Variants in SPON1 observed in about 807,000 individuals in gnomAD.
SPON1 encodes spondin-1.
A neutral mutation model predicts 111.7 loss-of-function variants in SPON1; 52 were observed. The observed-to-expected ratio is 0.47, with a 90% CI of 0.37 to 0.59. SPON1 has a LOEUF of 0.59. Among genes scored for constraint, SPON1 ranks in the 20% least tolerant of loss-of-function variants. The pLI, the probability that SPON1 is intolerant of heterozygous loss-of-function variation, is 0.00. For synonymous variants in SPON1, 410 were observed against 395.8 expected, an observed-to-expected ratio of 1.04 and a Z score of -0.43; for missense variants, 957 against 1,068.5, an observed-to-expected ratio of 0.90 and a Z score of 1.46.
chr11:14,061,991 A>G (rs1848794715), intron 3 of SPON1, among the ~76,000 whole-genome samples: 1 of 152,194 alleles, frequency 6.6e-6, no homozygotes, highest in African/African-American at 2.4e-5. Context: ...GCACAAATAC[A>G]TGGGATGTGG....
At chr11:13,997,131 A>C (rs1338417729) in intron 2 of SPON1, among the ~76,000 whole-genome samples, 1 of 152,222 alleles carries the variant, frequency 6.6e-6, no homozygotes, top group African/African-American at 2.4e-5. Flanking sequence ...ATGTATGCAC[A>C]CATGTATATG....
intron 2 of SPON1, among the ~76,000 whole-genome samples, chr11:14,017,455 T>G (rs1235492565): frequency 6.6e-6 from 1 of 152,238 alleles, no homozygotes; most frequent in Non-Finnish European, 1.5e-5. Context: ...TGTGCCTGCC[T>G]TAGAGATGGA....
intron 5 of SPON1, among the ~76,000 whole-genome samples, chr11:14,125,211 C>T (rs568833490): frequency 6.6e-6 from 1 of 152,342 alleles, no homozygotes; most frequent in South Asian, 2.1e-4. Flanking sequence ...AGAAACCAGG[C>T]AGGTTCTAGA....
At chr11:14,000,056 A>G (rs891687590) in intron 2 of SPON1, among the ~76,000 whole-genome samples, 1 of 152,220 alleles carries the variant, frequency 6.6e-6, no homozygotes, top group Non-Finnish European at 1.5e-5. Flanking sequence ...CAAATTAATT[A>G]TTCAACATGG....
At chr11:14,042,299 T>A (rs1848636799) in intron 3 of SPON1, among the ~76,000 whole-genome samples, 1 of 152,202 alleles carries the variant, frequency 6.6e-6, no homozygotes, top group Non-Finnish European at 1.5e-5. Context: ...AGGAAAATGA[T>A]TTCTGTGGTC....
chr11:14,190,464 C>T (rs1417471564), intron 6 of SPON1, among the ~76,000 whole-genome samples: 1 of 151,696 alleles, frequency 6.6e-6, no homozygotes, highest in Non-Finnish European at 1.5e-5. Context: ...CTTCCTTCTT[C>T]TTTCCTCCTT....
In SPON1 at chr11:14,260,621, A is replaced by C. The variant is rs1554941815; in HGVS notation, c.1865A>C (p.Glu622Ala). ...TIPCLLSPWS[E>A]WSDCSVTCGK... is the part of the protein sequence containing the mutation. ...CCATGCTTGCTGTCCCCATGGTCCG[A>C]GTGGAGTGACTGCAGCGTGACCTGC... The change falls in exon 14 of 16, where the codon GAG (glutamate) becomes GCG (alanine). Residue 622 changes from glutamate to alanine, a missense_variant. Transcript: ENST00000576479. 2 of 1,613,772 alleles carry C rather than the reference A, an allele frequency of 1.2e-6. No homozygotes were observed. The highest frequency in any genetic ancestry group is 2.7e-5 in the African/African-American group (2 of 74,906).
intron 5 of SPON1, among the ~76,000 whole-genome samples, chr11:14,106,893 T>C (rs1849188980): frequency 6.6e-6 from 1 of 152,162 alleles, no homozygotes; most frequent in Non-Finnish European, 1.5e-5. Flanking sequence ...CATATTCATA[T>C]GGTCCTAATG....
chr11:14,196,870 C>T (rs1299385283), intron 6 of SPON1, among the ~76,000 whole-genome samples: 1 of 152,052 alleles, frequency 6.6e-6, no homozygotes, highest in Non-Finnish European at 1.5e-5. Flanking sequence ...GCCAACATGG[C>T]GAAACTCTGT....
intron 4 of SPON1, among the ~76,000 whole-genome samples, chr11:14,078,692 C>G (rs868948238): frequency 6.6e-6 from 1 of 152,162 alleles, no homozygotes; most frequent in Non-Finnish European, 1.5e-5. Context: ...CTTCAATTTA[C>G]TGACCTGTAA....
chr11:14,080,113 C>G, intron 5 of SPON1, 92 bp downstream of exon 5: 1 of 1,477,672 alleles, frequency 6.8e-7, no homozygotes, highest in South Asian at 1.2e-5. Flanking sequence ...CATGTCAGAT[C>G]TGCTCCCTAG....
intron 6 of SPON1, among the ~76,000 whole-genome samples, chr11:14,158,027 C>A (rs1847869260): frequency 6.6e-6 from 1 of 151,862 alleles, no homozygotes; most frequent in Non-Finnish European, 1.5e-5. Flanking sequence ...CTTGGTATGT[C>A]TCATCATTTT....
chr11:14,253,002 G>A (rs1036800460), intron 7 of SPON1, among the ~76,000 whole-genome samples: 5 of 152,224 alleles, frequency 3.3e-5, no homozygotes, highest in Admixed American at 2.0e-4. Context: ...TTGCCCAATA[G>A]ATGCAAGTAC....
intron 6 of SPON1, among the ~76,000 whole-genome samples, chr11:14,145,088 C>A (rs1228570933): frequency 6.6e-6 from 1 of 152,080 alleles, no homozygotes; most frequent in African/African-American, 2.4e-5. Context: ...CACAGATACT[C>A]GATACAGAAA....
Position 14,262,742 on chromosome 11 carries a change from A to G in SPON1, c.2027A>G (p.Gln676Arg). ...PIDCELTEWS[Q>R]WSECNKSCGK... ...GACTGTGAGCTCACCGAGTGGTCCCAGTGGTCGGAATGTAACAAGTCATGT... is the reference window on the plus strand; with the variant it reads ...GACTGTGAGCTCACCGAGTGGTCCCGGTGGTCGGAATGTAACAAGTCATGT... The change falls in exon 15 of 16, where the codon CAG (glutamine) becomes CGG (arginine). Residue 676 changes from glutamine (Q) to arginine (R), a missense_variant. This residue lies in a region of SPON1 where 549 missense variants were observed against 606.2 expected (regional missense o/e 0.91). Transcript: ENST00000576479. The G allele has an allele frequency of 2.5e-6, 4 of 1,613,980 alleles. No individual in the cohort carries two copies. The highest frequency in any genetic ancestry group is 2.5e-6 in the Non-Finnish European group (3 of 1,179,886).
rs1849287347 is a variant in SPON1, at chr11:14,267,668, C to CTTG, written c.*1985_*1987dup. On this transcript the variant is annotated 3_prime_UTR_variant, in exon 16 of 16. Transcript: ENST00000576479. ...ATGGCTAAGAATGGGTAACATGACT[C>CTTG]TTGTTGGATTGTTATTTTTTGTTTG... 2.0e-5 allele frequency: 3 copies of CTTG among 152,154 alleles called. No homozygotes were observed. The highest frequency in any genetic ancestry group is 7.2e-5 in the African/African-American group (3 of 41,422). 9.4% of individuals were successfully genotyped at this position (152,154 alleles called of 1,614,324 possible). A position where few individuals can be genotyped will look rare whatever the true frequency, so the allele number is the denominator to read the frequency against.
rs546064140 is a variant in SPON1, at chr11:14,253,733, G to C, written c.891-795G>C. ...GCCTTCAAGCCTCAGCCCCCTCCTA[G>C]CTGTGTCTATTAGTTCATTAACCAC... On this transcript the variant is annotated intron_variant, in intron 7 of 15. Transcript: ENST00000576479. Among the ~76,000 whole-genome samples, 8 of 152,334 alleles carry C rather than the reference G, an allele frequency of 5.3e-5. 1 individual carries two copies. In the South Asian group the frequency reaches 1.7e-3, roughly 32 times the overall value.
rs191164564 is a variant in SPON1 at position 14,150,472 on chromosome 11, A to G, written c.825+14904A>G. On this transcript the variant is annotated intron_variant, in intron 6 of 15. Coordinates refer to ENST00000576479, the MANE Select transcript of SPON1 (RefSeq NM_006108.4). The stretch of plus-strand genomic sequence containing the variant: ...GAAGAGCAGATTTTGAATGTTCTCA[A>G]CGCAAAGAAACAATAAATGAGGTGA... Among the ~76,000 whole-genome samples, 3 of 152,222 alleles carry G rather than the reference A, an allele frequency of 2.0e-5. 1 individual carries two copies. In the East Asian group the frequency reaches 5.8e-4, roughly 29 times the overall value.
intron 5 of SPON1, among the ~76,000 whole-genome samples, chr11:14,102,180 A>G (rs1320831114): frequency 6.6e-6 from 1 of 152,148 alleles, no homozygotes; most frequent in African/African-American, 2.4e-5. Context: ...GTCTTGTTCA[A>G]ATTATACTCA....
Sources: allele counts gnomAD v4.1 joint callset (sites outside exome capture counted in the v4.1 genomes callset), GRCh38; gene constraint gnomAD v4.1.1; regional missense constraint gnomAD v4.1.1; transcripts MANE v1.5; gene names NCBI Gene and HGNC (gene_info 2026-07-23, HGNC 2026-07-21).